Variants in EXOC6B observed in about 807,000 individuals in gnomAD.
EXOC6B encodes SEC15 homolog B.
In EXOC6B, 54 loss-of-function variants were observed where a neutral mutation model predicts 113.5. The ratio of observed to expected loss-of-function variants is 0.48; its 90% CI spans 0.38 to 0.60. The LOEUF (loss-of-function observed/expected upper bound fraction) is 0.60. Ranked by LOEUF, EXOC6B falls within the 20% of genes least tolerant of loss-of-function variation. EXOC6B has a pLI of 0.00. For synonymous variants in EXOC6B, 357 were observed against 339.0 expected, an observed-to-expected ratio of 1.05 and a Z score of -0.58; for missense variants, 797 against 977.5, an observed-to-expected ratio of 0.82 and a Z score of 2.46.
Position 72,178,594 on chromosome 2 carries a change from C to T in EXOC6B, c.*741G>A, listed in dbSNP as rs991748008. ...CTGGCTTTCAAGATCCAGAAAAACT[C>T]TTCGAGTTGAGACTCAACACTCCTA... On this transcript the variant is annotated 3_prime_UTR_variant, in exon 22 of 22. Coordinates refer to ENST00000272427, the MANE Select transcript of EXOC6B (RefSeq NM_015189.3). 14 of 152,200 alleles carry T rather than the reference C, an allele frequency of 9.2e-5. No individual in the cohort carries two copies. Among genetic ancestry groups the T allele is most frequent in the African/African-American group, 3.4e-4 (14 of 41,448 alleles). 9.4% of individuals were successfully genotyped at this position (152,200 alleles called of 1,614,324 possible). A position where few individuals can be genotyped will look rare whatever the true frequency, so the allele number is the denominator to read the frequency against.
At chr2:72,617,189 C>T (rs1671434272) in intron 6 of EXOC6B, among the ~76,000 whole-genome samples, 2 of 152,236 alleles carry the variant, frequency 1.3e-5, no homozygotes, top group East Asian at 3.8e-4. Context: ...ACCTCTGTGG[C>T]TTTGCAGGGT....
chr2:72,728,081 A>G (rs942381486), intron 5 of EXOC6B, among the ~76,000 whole-genome samples: 2 of 152,174 alleles, frequency 1.3e-5, no homozygotes, highest in Non-Finnish European at 2.9e-5. Context: ...GACAATATAG[A>G]TGTTACCAAG....
chr2:72,814,190 AAG>A (rs1686086245), intron 1 of EXOC6B, among the ~76,000 whole-genome samples: 1 of 152,212 alleles, frequency 6.6e-6, no homozygotes, highest in South Asian at 2.1e-4. Flanking sequence ...TATATAATGA[AAG>A]AGAGCCTATA....
At chr2:72,370,867 T>A (rs1284982517) in intron 19 of EXOC6B, among the ~76,000 whole-genome samples, 1 of 119,922 alleles carries the variant, frequency 8.3e-6, no homozygotes, top group Non-Finnish European at 1.7e-5. Context: ...TGTTGTGGGG[T>A]GATGGGAGGG....
At chr2:72,681,349 C>A (rs1316452690) in intron 6 of EXOC6B, among the ~76,000 whole-genome samples, 1 of 152,150 alleles carries the variant, frequency 6.6e-6, no homozygotes, top group Non-Finnish European at 1.5e-5. Context: ...CACCAAAACT[C>A]TATATGCATG....
intron 20 of EXOC6B, among the ~76,000 whole-genome samples, chr2:72,189,949 C>T (rs1318504060): frequency 4.9e-5 from 7 of 143,066 alleles, no homozygotes; most frequent in Non-Finnish European, 9.1e-5. Context: ...CCTGGGTTCA[C>T]GCCATTCTCC....
At chr2:72,704,169 A>T (rs1488525894) in intron 6 of EXOC6B, among the ~76,000 whole-genome samples, 2 of 150,140 alleles carry the variant, frequency 1.3e-5, no homozygotes, top group East Asian at 3.9e-4. Context: ...CAGGATTAAG[A>T]ATCTCACTCA....
At chr2:72,802,019 T>C (rs1010605936) in intron 1 of EXOC6B, among the ~76,000 whole-genome samples, 1 of 152,048 alleles carries the variant, frequency 6.6e-6, no homozygotes, top group Non-Finnish European at 1.5e-5. Context: ...GACACATATA[T>C]AAAGATGTAG....
chr2:72,639,698 T>A (rs1162937117), intron 6 of EXOC6B, among the ~76,000 whole-genome samples: 1 of 152,206 alleles, frequency 6.6e-6, no homozygotes. Context: ...AGAAAAAAGT[T>A]AGAGCCCAAT....
At chr2:72,370,411 G>C (rs1450956374) in intron 19 of EXOC6B, among the ~76,000 whole-genome samples, 6 of 152,184 alleles carry the variant, frequency 3.9e-5, no homozygotes, top group South Asian at 2.1e-4. Flanking sequence ...TACACTGTTG[G>C]TGGGACTGTA....
At chr2:72,470,292 C>T (rs151203129) in intron 17 of EXOC6B, among the ~76,000 whole-genome samples, 1,897 of 152,150 alleles carry the variant, frequency 0.012, 69 homozygotes, top group Middle Eastern at 0.014. Context: ...GGACATTTTT[C>T]ACCTCCCTGG....
chr2:72,676,209 CTCTTAG>C (rs1475125862), intron 6 of EXOC6B, among the ~76,000 whole-genome samples: 2 of 152,034 alleles, frequency 1.3e-5, no homozygotes, highest in Non-Finnish European at 2.9e-5. Context: ...TGATAAGCCA[CTCTTAG>C]TCTTTAGAGA....
chr2:72,646,649 C>G (rs1299566915), intron 6 of EXOC6B, among the ~76,000 whole-genome samples: 1 of 152,052 alleles, frequency 6.6e-6, no homozygotes, highest in African/African-American at 2.4e-5. Flanking sequence ...GTTCAACATA[C>G]GCAAATCAAT....
intron 6 of EXOC6B, among the ~76,000 whole-genome samples, chr2:72,643,608 T>C (rs1481629482): frequency 9.5e-6 from 1 of 104,794 alleles, no homozygotes; most frequent in Non-Finnish European, 1.9e-5. Flanking sequence ...CTCTGGGGAC[T>C]GTTGTGGGGT....
chr2:72,329,783 ACCTC>A (rs1688330002), intron 20 of EXOC6B, among the ~76,000 whole-genome samples: 2 of 152,108 alleles, frequency 1.3e-5, no homozygotes, highest in African/African-American at 4.8e-5. Flanking sequence ...TACGGGTTTT[ACCTC>A]TATACCTCTA....
intron 19 of EXOC6B, among the ~76,000 whole-genome samples, chr2:72,353,484 G>C (rs992423206): frequency 3.3e-5 from 5 of 151,888 alleles, no homozygotes; most frequent in Non-Finnish European, 7.4e-5. Flanking sequence ...TGATCCTCCT[G>C]CCTCAGCCTC....
intron 6 of EXOC6B, among the ~76,000 whole-genome samples, chr2:72,673,129 A>G (rs1676027085): frequency 6.6e-6 from 1 of 152,170 alleles, no homozygotes; most frequent in African/African-American, 2.4e-5. Flanking sequence ...AAATAATAAT[A>G]TTTTTTAAAT....
intron 20 of EXOC6B, among the ~76,000 whole-genome samples, chr2:72,316,575 T>C (rs1687526329): frequency 6.6e-6 from 1 of 152,158 alleles, no homozygotes; most frequent in Non-Finnish European, 1.5e-5. Flanking sequence ...ACAAATATTA[T>C]TCAGAAATTC....
At chr2:72,320,484 T>C (rs1687787503) in intron 20 of EXOC6B, among the ~76,000 whole-genome samples, 1 of 152,124 alleles carries the variant, frequency 6.6e-6, no homozygotes, top group South Asian at 2.1e-4. Context: ...GAAAGCATAG[T>C]CTTTTTAACA....
Sources: allele counts gnomAD v4.1 joint callset (sites outside exome capture counted in the v4.1 genomes callset), GRCh38; gene constraint gnomAD v4.1.1; transcripts MANE v1.5; gene names NCBI Gene and HGNC (gene_info 2026-07-23, HGNC 2026-07-21).